Variants in KCNAB1 observed in about 807,000 individuals in gnomAD.
The protein encoded by KCNAB1 is potassium voltage-gated channel subfamily A regulatory beta subunit 1.
KCNAB1 carries 35 observed loss-of-function variants against 64.6 expected under a neutral mutation model. The ratio of observed to expected loss-of-function variants is 0.54; its 90% CI spans 0.41 to 0.72. KCNAB1 has a LOEUF of 0.72. Ranked by LOEUF, KCNAB1 falls within the 30% of genes least tolerant of loss-of-function variation. The pLI is 0.00. For missense variants in KCNAB1, 401 were observed against 512.9 expected, an observed-to-expected ratio of 0.78 and a Z score of 2.11; for synonymous variants, 177 against 183.8, an observed-to-expected ratio of 0.96 and a Z score of 0.30.
chr3:156,171,505 C>T (rs141885253), intron 1 of KCNAB1, among the ~76,000 whole-genome samples: 2 of 152,244 alleles, frequency 1.3e-5, no homozygotes, highest in African/African-American at 2.4e-5. Flanking sequence ...GAGATTTATA[C>T]TTTTCATTTA....
In KCNAB1 at chr3:156,182,628, T is replaced by TC. The variant is rs1553815355; in HGVS notation, c.275+61742_275+61743insC. On this transcript the variant is annotated intron_variant, in intron 1 of 13. Coordinates refer to ENST00000490337, the MANE Select transcript of KCNAB1 (RefSeq NM_172160.3). Reference sequence around the variant, plus strand: ...CCTTCTTTCCAGGGTTGGTTTTTTTTTCCCCCCCCCGGGTCTTATCTTTTC... The same window carrying TC: ...CCTTCTTTCCAGGGTTGGTTTTTTTTCTCCCCCCCCCGGGTCTTATCTTTTC... 3.2e-3 allele frequency among the ~76,000 whole-genome samples: 460 copies of TC among 143,708 alleles called. 4 individuals carry two copies. The highest frequency in any genetic ancestry group is 9.9e-3 in the African/African-American group (384 of 38,894). 94.3% of individuals were successfully genotyped at this position (143,708 alleles called of 152,430 possible).
At chr3:156,516,454 C>T (rs1717572559) in intron 11 of KCNAB1, 90 bp downstream of exon 11, 6 of 919,456 alleles carry the variant, frequency 6.5e-6, no homozygotes, top group Non-Finnish European at 9.0e-6. Flanking sequence ...CTAGGGCTTC[C>T]CAGCTCAGGC....
chr3:156,472,847 T>C lies in KCNAB1; in HGVS notation c.572-1887T>C, dbSNP rs548171015. 9.1e-4 allele frequency among the ~76,000 whole-genome samples: 139 copies of C among 152,142 alleles called. No homozygotes were observed. In the Middle Eastern group the frequency reaches 0.01, roughly 11 times the overall value. ...AGCCTGGCACGGTCTCAGGATAAAATTGGAACTCAATACATGCTCATGGGA... is the reference window on the plus strand; with the variant it reads ...AGCCTGGCACGGTCTCAGGATAAAACTGGAACTCAATACATGCTCATGGGA... On this transcript the variant is annotated intron_variant, in intron 7 of 13. Transcript: ENST00000490337.
chr3:156,198,155 G>A (rs1305731661), intron 1 of KCNAB1, among the ~76,000 whole-genome samples: 1 of 152,170 alleles, frequency 6.6e-6, no homozygotes, highest in African/African-American at 2.4e-5. Context: ...CTGAGATACT[G>A]TTTGTTATGA....
intron 1 of KCNAB1, among the ~76,000 whole-genome samples, chr3:156,304,401 G>A (rs745410870): frequency 5.3e-5 from 8 of 152,116 alleles, no homozygotes; most frequent in Non-Finnish European, 7.4e-5. Context: ...TTAAGTTACC[G>A]CAACTGAGGC....
rs1716515698 is a variant in KCNAB1, at chr3:156,231,454, T to C, written c.275+110568T>C. Among the ~76,000 whole-genome samples, 6 of 151,174 alleles carry C rather than the reference T, an allele frequency of 4.0e-5. No homozygotes were observed. The South Asian group carries it at 1.3e-3, about 32-fold the overall frequency. On this transcript the variant is annotated intron_variant, in intron 1 of 13. Coordinates refer to ENST00000490337, the MANE Select transcript of KCNAB1 (RefSeq NM_172160.3). ...TCTCTTGTGGGAAAAATCCACATTCTATAGAGAATCCCCTTTCTTCCCTCC... is the reference window on the plus strand; with the variant it reads ...TCTCTTGTGGGAAAAATCCACATTCCATAGAGAATCCCCTTTCTTCCCTCC...
intron 11 of KCNAB1, among the ~76,000 whole-genome samples, chr3:156,520,677 C>T (rs1717886998): frequency 6.6e-6 from 1 of 152,318 alleles, no homozygotes; most frequent in Middle Eastern, 3.4e-3. Context: ...GGTCCAAGTA[C>T]ATCAAGTGTT....
At position 156,473,428 on chromosome 3, in the gene KCNAB1, A is replaced by T. The variant is rs1008744399; in HGVS notation, c.572-1306A>T. On this transcript the variant is annotated intron_variant, in intron 7 of 13. Transcript: ENST00000490337. Reference sequence around the variant, plus strand: ...CCTCCCTGCATACAACTGTCCCCAAAAGTGGCTCATATCATGATACTTTTT... The same window carrying T: ...CCTCCCTGCATACAACTGTCCCCAATAGTGGCTCATATCATGATACTTTTT... 1.6e-4 allele frequency among the ~76,000 whole-genome samples: 25 copies of T among 152,142 alleles called. No homozygotes were observed. The East Asian group carries it at 2.7e-3, about 16-fold the overall frequency.
chr3:156,384,745 C>T (rs757762425), intron 1 of KCNAB1, among the ~76,000 whole-genome samples: 24 of 152,154 alleles, frequency 1.6e-4, no homozygotes, highest in Non-Finnish European at 2.8e-4. Context: ...AGAACTTGTA[C>T]TATTTCTTCT....
chr3:156,491,088 A>G (rs1715597061), intron 8 of KCNAB1, among the ~76,000 whole-genome samples: 1 of 152,174 alleles, frequency 6.6e-6, no homozygotes, highest in African/African-American at 2.4e-5. Flanking sequence ...CCAAGGGTGA[A>G]GAAGTAATGT....
At chr3:156,443,439 T>A (rs1576873351) in intron 2 of KCNAB1, among the ~76,000 whole-genome samples, 1 of 152,096 alleles carries the variant, frequency 6.6e-6, no homozygotes, top group Non-Finnish European at 1.5e-5. Context: ...GGAATCAGCA[T>A]GGGGCTGTGG....
intron 13 of KCNAB1, among the ~76,000 whole-genome samples, chr3:156,533,548 G>T (rs962585297): frequency 6.6e-6 from 1 of 152,200 alleles, no homozygotes; most frequent in African/African-American, 2.4e-5. Flanking sequence ...CATGCTACAT[G>T]TAACAAGTCC....
intron 1 of KCNAB1, among the ~76,000 whole-genome samples, chr3:156,389,305 G>A (rs1712844733): frequency 6.6e-6 from 1 of 152,180 alleles, no homozygotes; most frequent in South Asian, 2.1e-4. Flanking sequence ...GCTTCCTGGT[G>A]ACAACAGCAC....
At chr3:156,167,267 C>T (rs375575289) in intron 1 of KCNAB1, among the ~76,000 whole-genome samples, 6 of 152,054 alleles carry the variant, frequency 3.9e-5, no homozygotes, top group East Asian at 1.9e-4. Context: ...GTCTATCAGA[C>T]GGTGGCGTGT....
intron 4 of KCNAB1, 107 bp downstream of exon 4, chr3:156,457,639 G>A (rs1439410019): frequency 1.7e-5 from 16 of 959,300 alleles, no homozygotes; most frequent in South Asian, 6.9e-5. Flanking sequence ...CTTTCTCCAC[G>A]TGTTGGCAGC....
intron 2 of KCNAB1, among the ~76,000 whole-genome samples, chr3:156,437,431 A>AC (rs1716659414): frequency 6.6e-6 from 1 of 152,154 alleles, no homozygotes; most frequent in Non-Finnish European, 1.5e-5. Flanking sequence ...AAGATTTAGT[A>AC]CCCCATCTCA....
chr3:156,463,533 C>G (rs1310649583), intron 5 of KCNAB1, among the ~76,000 whole-genome samples, 169 bp from the exon 6 acceptor site: 1 of 152,148 alleles, frequency 6.6e-6, no homozygotes, highest in Non-Finnish European at 1.5e-5. Flanking sequence ...GCACTAGCTT[C>G]CCTTTGTCTT....
intron 1 of KCNAB1, among the ~76,000 whole-genome samples, chr3:156,153,540 T>C (rs1715539212): frequency 6.6e-6 from 1 of 152,190 alleles, no homozygotes; most frequent in African/African-American, 2.4e-5. Context: ...TGTGAAGGTG[T>C]TTTTGCATGA....
At chr3:156,305,751 G>C (rs1721453708) in intron 1 of KCNAB1, among the ~76,000 whole-genome samples, 1 of 152,218 alleles carries the variant, frequency 6.6e-6, no homozygotes, top group South Asian at 2.1e-4. Context: ...AAACAACAGA[G>C]ACAGGAGTCA....
Sources: allele counts gnomAD v4.1 joint callset (sites outside exome capture counted in the v4.1 genomes callset), GRCh38; gene constraint gnomAD v4.1.1; transcripts MANE v1.5; gene names NCBI Gene and HGNC (gene_info 2026-07-23, HGNC 2026-07-21).